Variants in TUSC3 observed in about 807,000 individuals in gnomAD.
TUSC3 encodes the protein dolichyl-diphosphooligosaccharide--protein glycosyltransferase subunit TUSC3.
A neutral mutation model predicts 44.8 loss-of-function variants in TUSC3; 45 were observed. That is an observed-to-expected ratio of 1.00 (90% CI 0.79 to 1.29). The LOEUF (loss-of-function observed/expected upper bound fraction) is 1.29. Ranked by LOEUF, TUSC3 falls within the 50% of genes most tolerant of loss-of-function variation. The probability of loss-of-function intolerance (pLI) is 0.00; values close to 1 mark genes in which losing one functional copy is unlikely to be tolerated. For synonymous variants in TUSC3, 212 were observed against 152.9 expected (o/e 1.39, Z -2.85); for missense variants, 519 against 437.9 (o/e 1.19, Z -1.65).
At chr8:15,557,751 C>A (rs199512416) in intron 1 of TUSC3, among the ~76,000 whole-genome samples, 3 of 139,126 alleles carry the variant, frequency 2.2e-5, no homozygotes, top group African/African-American at 7.8e-5. Context: ...TAGATATTTT[C>A]TTCTCTTTGA....
rs567661659 is a variant in TUSC3, at chr8:15,738,029, AG to A, written c.863-5506del. ...AAAAATGTATCTTTAAATAATAGGG[AG>A]GGTTAGCGAGCTTAAAGCCATTTTA... On this transcript the variant is annotated intron_variant, in intron 7 of 10. Transcript: ENST00000503731. 5.1e-3 allele frequency among the ~76,000 whole-genome samples: 782 copies of A among 152,224 alleles called. 1 individual carries two copies. Among genetic ancestry groups the A allele is most frequent in the Non-Finnish European group, 7.0e-3 (474 of 67,988 alleles).
At chr8:15,801,181 A>G in the TUSC3 span, among the ~76,000 whole-genome samples, 2 of 152,216 alleles carry the variant, frequency 1.3e-5, no homozygotes, top group Non-Finnish European at 2.9e-5. Context: ...TCTTGATTAT[A>G]TGCTAAACAA....
chr8:15,708,515 G>C (rs1400912762), intron 6 of TUSC3, among the ~76,000 whole-genome samples: 1 of 151,976 alleles, frequency 6.6e-6, no homozygotes, highest in African/African-American at 2.4e-5. Flanking sequence ...ATTTAAAAGT[G>C]ATGATTATTA....
At chr8:15,709,323 T>C (rs1809746453) in intron 6 of TUSC3, among the ~76,000 whole-genome samples, 1 of 151,912 alleles carries the variant, frequency 6.6e-6, no homozygotes, top group Non-Finnish European at 1.5e-5. Flanking sequence ...ATTGGAGGAA[T>C]GCCAATCTGA....
chr8:15,649,322 C>T (rs538328258), intron 2 of TUSC3, among the ~76,000 whole-genome samples: 3 of 152,044 alleles, frequency 2.0e-5, no homozygotes, highest in South Asian at 2.1e-4. Flanking sequence ...CGGTGGCTCA[C>T]GCCTGTAATC....
At chr8:15,806,695 A>T in the TUSC3 span, 1 of 920,332 alleles carries the variant, frequency 1.1e-6, no homozygotes, top group African/African-American at 1.6e-5. Flanking sequence ...TACATTTGTA[A>T]TCAAAATCCC....
At chr8:15,743,633 T>A in intron 8 of TUSC3, 21 bp downstream of exon 8, 1 of 1,613,610 alleles carries the variant, frequency 6.2e-7, no homozygotes, top group Non-Finnish European at 8.5e-7. Flanking sequence ...GTGTTGCCAT[T>A]TTTGTAATTT....
chr8:15,642,813 T>TA (rs1284735578), intron 2 of TUSC3, among the ~76,000 whole-genome samples: 1 of 147,388 alleles, frequency 6.8e-6, no homozygotes, highest in Non-Finnish European at 1.5e-5. Flanking sequence ...TTATAAGTGT[T>TA]ATAATGGATT....
intron 6 of TUSC3, among the ~76,000 whole-genome samples, chr8:15,694,209 G>A (rs889749633): frequency 6.6e-6 from 1 of 151,998 alleles, no homozygotes; most frequent in African/African-American, 2.4e-5. Flanking sequence ...TTGGGAGGAT[G>A]AGGCGGGCAG....
the TUSC3 span, among the ~76,000 whole-genome samples, chr8:15,792,016 CCA>C: frequency 6.6e-6 from 1 of 152,000 alleles, no homozygotes; most frequent in Non-Finnish European, 1.5e-5. Flanking sequence ...TAAAAAAAAG[CCA>C]CAGACATGTA....
chr8:15,451,228 T>A (rs555008807), intron 1 of TUSC3, among the ~76,000 whole-genome samples: 1 of 152,320 alleles, frequency 6.6e-6, no homozygotes, highest in East Asian at 1.9e-4. Flanking sequence ...TATCTATATT[T>A]GGTCTTTCTC....
chr8:15,570,378 G>A (rs1171691299), intron 1 of TUSC3, among the ~76,000 whole-genome samples: 1 of 151,818 alleles, frequency 6.6e-6, no homozygotes, highest in African/African-American at 2.4e-5. Context: ...TTGAAAGATT[G>A]TATTCTTTGG....
chr8:15,828,014 C>A, the TUSC3 span, among the ~76,000 whole-genome samples: 6 of 92,676 alleles, frequency 6.5e-5, no homozygotes, highest in African/African-American at 2.2e-4. Flanking sequence ...TTTTTTTTGA[C>A]ACGGAGTTTC....
At chr8:15,628,003 C>G (rs1017962228) in intron 2 of TUSC3, among the ~76,000 whole-genome samples, 1 of 152,068 alleles carries the variant, frequency 6.6e-6, no homozygotes, top group Non-Finnish European at 1.5e-5. Flanking sequence ...CCAAGGATCC[C>G]GTAACATTAA....
At chr8:15,454,192 G>A (rs1321252566) in intron 1 of TUSC3, among the ~76,000 whole-genome samples, 2 of 152,128 alleles carry the variant, frequency 1.3e-5, no homozygotes, top group East Asian at 1.9e-4. Flanking sequence ...AAAATCCCAA[G>A]TCAAAAAGTC....
At chr8:15,623,011 C>A in intron 1 of TUSC3, 69 bp from the exon 2 acceptor site, 2 of 1,448,748 alleles carry the variant, frequency 1.4e-6, no homozygotes, top group Non-Finnish European at 9.5e-7. Flanking sequence ...ACATTTTATG[C>A]ATTTATATGA....
the TUSC3 span, among the ~76,000 whole-genome samples, chr8:15,831,595 G>C: frequency 6.6e-6 from 1 of 152,104 alleles, no homozygotes; most frequent in African/African-American, 2.4e-5. Context: ...AGCCAGTATA[G>C]AAAAGAACCT....
intron 1 of TUSC3, among the ~76,000 whole-genome samples, chr8:15,607,491 A>G (rs1804580372): frequency 6.6e-6 from 1 of 152,196 alleles, no homozygotes; most frequent in Non-Finnish European, 1.5e-5. Context: ...AAAAAATTTT[A>G]TTGAAACATG....
chr8:15,468,418 C>T (rs1291226227), intron 1 of TUSC3, among the ~76,000 whole-genome samples: 1 of 152,142 alleles, frequency 6.6e-6, no homozygotes, highest in Non-Finnish European at 1.5e-5. Flanking sequence ...ACACATTCAA[C>T]ATAGCCATGA....
Sources: gnomAD v4.1 joint callset for allele counts (sites outside exome capture counted in the v4.1 genomes callset) on GRCh38, gnomAD v4.1.1 for gene constraint, MANE v1.5 for transcripts, NCBI Gene and HGNC (gene_info 2026-07-23, HGNC 2026-07-21) for gene names.